The following ARHGAP21 variants were observed in gnomAD, a reference collection of about 807,000 sequenced individuals.
The protein encoded by ARHGAP21 is rho GTPase-activating protein 21.
In ARHGAP21, 38 loss-of-function variants were observed where a neutral mutation model predicts 164.6. The ratio of observed to expected loss-of-function variants is 0.23; its 90% CI spans 0.18 to 0.30. The LOEUF (loss-of-function observed/expected upper bound fraction) is 0.30. ARHGAP21 is among the 10% of genes least tolerant of loss of function. ARHGAP21 has a pLI of 1.00. For missense variants in ARHGAP21, 1,822 were observed against 2,370.7 expected (o/e 0.77, Z 4.81); for synonymous variants, 766 against 857.9 (o/e 0.89, Z 1.87).
chr10:24,655,582 C>T (rs1478241806), intron 4 of ARHGAP21, among the ~76,000 whole-genome samples: 9 of 151,956 alleles, frequency 5.9e-5, no homozygotes, highest in Admixed American at 1.3e-4. Flanking sequence ...AAGGAGCAGC[C>T]GCCTGCCTTG....
intron 9 of ARHGAP21, among the ~76,000 whole-genome samples, chr10:24,613,983 C>T (rs1341770954): frequency 3.3e-5 from 5 of 152,290 alleles, no homozygotes; most frequent in East Asian, 1.9e-4. Context: ...GGCCAGTGTA[C>T]AAGCGTGTGT....
intron 15 of ARHGAP21, 81 bp from the exon 16 acceptor site, chr10:24,597,664 G>T: frequency 6.5e-7 from 1 of 1,546,246 alleles, no homozygotes; most frequent in Non-Finnish European, 8.7e-7. Flanking sequence ...GTGAGCCATG[G>T]TCTGAAAATA....
At chr10:24,682,666 C>T (rs1001066501) in intron 2 of ARHGAP21, among the ~76,000 whole-genome samples, 1 of 151,392 alleles carries the variant, frequency 6.6e-6, no homozygotes, top group Non-Finnish European at 1.5e-5. Context: ...AGCTTGTTTA[C>T]AGAGTTTCTA....
At chr10:24,622,139 AAT>A (rs1209985138) in intron 8 of ARHGAP21, among the ~76,000 whole-genome samples, 1 of 152,096 alleles carries the variant, frequency 6.6e-6, no homozygotes, top group East Asian at 1.9e-4. Flanking sequence ...ATGCAGCCTA[AAT>A]AGTTTTTTAT....
At chr10:24,652,473 C>T (rs767596776) in intron 4 of ARHGAP21, among the ~76,000 whole-genome samples, 5 of 152,100 alleles carry the variant, frequency 3.3e-5, no homozygotes, top group Non-Finnish European at 7.4e-5. Flanking sequence ...AAAGGAAAGA[C>T]TGATCATTCA....
At chr10:24,607,358 C>T in intron 11 of ARHGAP21, 141 bp downstream of exon 11, 98 of 673,072 alleles carry the variant, frequency 1.5e-4, no homozygotes, top group Middle Eastern at 8.5e-4. Context: ...TTAATGTTAC[C>T]ATTAACAACT....
intron 8 of ARHGAP21, 141 bp downstream of exon 8, chr10:24,622,592 G>T: frequency 1.2e-6 from 1 of 853,288 alleles, no homozygotes; most frequent in Non-Finnish European, 1.7e-6. Flanking sequence ...TATCACAAAC[G>T]TATTCTGCAA....
Position 24,689,858 on chromosome 10 carries a change from A to G in ARHGAP21, c.64-19461T>C, listed in dbSNP as rs186898578. On this transcript the variant is annotated intron_variant, in intron 2 of 25. Transcript: ENST00000396432. ...TGTGTATATATATGTATATATGTAT[A>G]TGTATGTGTATATATACATGTATAT... Among the ~76,000 whole-genome samples, 25 of 148,334 alleles carry G rather than the reference A, an allele frequency of 1.7e-4. No individual in the cohort carries two copies. In the East Asian group the frequency reaches 4.3e-3, roughly 26 times the overall value.
intron 4 of ARHGAP21, among the ~76,000 whole-genome samples, chr10:24,660,670 C>T (rs1839592727): frequency 6.6e-6 from 1 of 152,288 alleles, no homozygotes; most frequent in Non-Finnish European, 1.5e-5. Context: ...ATCCAGATCT[C>T]TCTGATATTA....
intron 2 of ARHGAP21, among the ~76,000 whole-genome samples, chr10:24,675,392 G>T (rs1464605964): frequency 2.0e-5 from 3 of 152,138 alleles, no homozygotes; most frequent in Non-Finnish European, 1.5e-5. Flanking sequence ...GGTCTATACT[G>T]ACTGAAAGCA....
At chr10:24,674,540 G>T (rs752567087) in intron 2 of ARHGAP21, among the ~76,000 whole-genome samples, 1 of 151,714 alleles carries the variant, frequency 6.6e-6, no homozygotes, top group Non-Finnish European at 1.5e-5. Context: ...AAACAAATTA[G>T]CCAGGTGTGG....
chr10:24,599,329 T>C (rs1353400355), intron 14 of ARHGAP21, among the ~76,000 whole-genome samples: 3 of 152,202 alleles, frequency 2.0e-5, no homozygotes, highest in Non-Finnish European at 4.4e-5. Context: ...AAGTTCTTAT[T>C]CTCCCTGTTT....
At chr10:24,649,634 GAGATTTTTTGTCTT>G (rs1837954774) in intron 4 of ARHGAP21, among the ~76,000 whole-genome samples, 1 of 151,926 alleles carries the variant, frequency 6.6e-6, no homozygotes, top group South Asian at 2.1e-4. Context: ...ACTTGGAGAA[GAGATTTTTTGTCTT>G]AGATCTCAAA....
chr10:24,715,277 T>A (rs370825363), intron 2 of ARHGAP21, among the ~76,000 whole-genome samples: 28 of 152,310 alleles, frequency 1.8e-4, no homozygotes, highest in East Asian at 1.2e-3. Context: ...TCATTCAGAA[T>A]AAACAACTGT....
intron 2 of ARHGAP21, among the ~76,000 whole-genome samples, chr10:24,710,235 TAGAG>T (rs1342591641): frequency 1.3e-5 from 2 of 152,180 alleles, no homozygotes; most frequent in Non-Finnish European, 2.9e-5. Flanking sequence ...AATCTCTAGA[TAGAG>T]AGTATCTAGT....
intron 5 of ARHGAP21, among the ~76,000 whole-genome samples, chr10:24,633,881 CTCTTT>C (rs1836089442): frequency 1.0e-5 from 1 of 98,492 alleles, no homozygotes; most frequent in Non-Finnish European, 2.1e-5. Flanking sequence ...GTCTTTTTTT[CTCTTT>C]TTTTTTTTTT....
At chr10:24,647,825 G>T (rs1837726532) in intron 4 of ARHGAP21, among the ~76,000 whole-genome samples, 1 of 152,156 alleles carries the variant, frequency 6.6e-6, no homozygotes, top group South Asian at 2.1e-4. Flanking sequence ...TGTAAGAAAA[G>T]TTTACTTTGT....
intron 2 of ARHGAP21, among the ~76,000 whole-genome samples, chr10:24,687,041 C>T (rs1472341899): frequency 2.6e-5 from 4 of 152,088 alleles, no homozygotes; most frequent in African/African-American, 9.7e-5. Context: ...CATGGTGAAA[C>T]CCCATTTCTA....
intron 6 of ARHGAP21, among the ~76,000 whole-genome samples, chr10:24,631,338 T>C (rs1309823975): frequency 1.3e-5 from 2 of 152,094 alleles, no homozygotes; most frequent in Non-Finnish European, 2.9e-5. Context: ...CATTCCAGCC[T>C]GGGCAACAAG....
Sources: gnomAD v4.1 joint callset for allele counts (sites outside exome capture counted in the v4.1 genomes callset) on GRCh38, gnomAD v4.1.1 for gene constraint, MANE v1.5 for transcripts, NCBI Gene and HGNC (gene_info 2026-07-23, HGNC 2026-07-21) for gene names.